ERBB4: variants seen among roughly 807,000 people sequenced by gnomAD.
ERBB4 encodes the protein erb-b2 receptor tyrosine kinase 4.
A neutral mutation model predicts 158.0 loss-of-function variants in ERBB4; 42 were observed. The observed-to-expected ratio is 0.27, with a 90% confidence interval of 0.21 to 0.34. The LOEUF (loss-of-function observed/expected upper bound fraction) is 0.34, where lower values mean the gene tolerates loss of function less well. Among genes scored for constraint, ERBB4 ranks in the 10% least tolerant of loss-of-function variants. The pLI, the probability that ERBB4 is intolerant of heterozygous loss-of-function variation, is 1.00. For missense variants in ERBB4, 1,333 were observed against 1,624.1 expected (o/e 0.82, Z 3.08); for synonymous variants, 583 against 558.7 (o/e 1.04, Z -0.61).
At chr2:212,296,122 A>G (rs1047028072) in intron 1 of ERBB4, among the ~76,000 whole-genome samples, 3 of 151,978 alleles carry the variant, frequency 2.0e-5, no homozygotes, top group African/African-American at 7.2e-5. Flanking sequence ...CGATAGGTGA[A>G]GCAGCACTAT....
rs755207762 is a variant in ERBB4, at chr2:211,665,390, T to C, written c.1804A>G (p.Ser602Gly). ...KCPDGLQGAN[S>G]FIFKYADPDR... ...GGATCAGCATACTTGAAAATGAAACTGTTTGCCCCCTGTAAGCCATCTGGA... is the reference window on the plus strand; with the variant it reads ...GGATCAGCATACTTGAAAATGAAACCGTTTGCCCCCTGTAAGCCATCTGGA... The change falls in exon 15 of 28, where the codon AGT becomes GGT. Residue 602 changes from serine (S) to glycine (G), a missense_variant. Transcript: ENST00000342788. 14 of 1,614,098 alleles carry C rather than the reference T, an allele frequency of 8.7e-6. 1 individual carries two copies. In the South Asian group the frequency reaches 1.5e-4, roughly 18 times the overall value.
intron 19 of ERBB4, among the ~76,000 whole-genome samples, chr2:211,593,862 C>T (rs894688294): frequency 2.0e-5 from 3 of 152,144 alleles, no homozygotes; most frequent in African/African-American, 7.2e-5. Flanking sequence ...CCCAAACTTA[C>T]ACCCCTTCCC....
Position 211,624,004 on chromosome 2 carries a change from T to G in ERBB4, c.2120A>C (p.Gln707Pro), listed in dbSNP as rs2069736643. The change falls in exon 18 of 28, where the codon CAA becomes CCA. Residue 707 changes from glutamine to proline, a missense_variant. Gln to Pro is a moderately conservative substitution (Grantham distance 76). Coordinates refer to ENST00000342788, the MANE Select transcript of ERBB4 (RefSeq NM_005235.3). ...TTCTTTCAAAATACGAAGTTGAGCT[T>G]GATTGGGTGCTGTGCCACTGGGAGT... ...PLTPSGTAPNQAQLRILKETE... is the reference protein window; with the variant it reads ...PLTPSGTAPNPAQLRILKETE... 6.2e-7 allele frequency: 1 copy of G among 1,614,104 alleles called. No homozygotes were observed.
chr2:211,777,951 A>G (rs2075927012), intron 4 of ERBB4: 1 of 152,208 alleles, frequency 6.6e-6, no homozygotes, highest in African/African-American at 2.4e-5. Context: ...GGGCTGCAAG[A>G]CTCTATTCTG....
At chr2:211,860,979 TATATTATATAATATA>T (rs2077998682) in intron 3 of ERBB4, among the ~76,000 whole-genome samples, 4 of 72,654 alleles carry the variant, frequency 5.5e-5, no homozygotes, top group African/African-American at 1.5e-4. Context: ...TATATTTAAA[TATATTATATAATATA>T]ATATATTATA....
At chr2:211,675,101 CTCTTTT>C (rs2072006493) in intron 13 of ERBB4, among the ~76,000 whole-genome samples, 1 of 152,128 alleles carries the variant, frequency 6.6e-6, no homozygotes, top group Non-Finnish European at 1.5e-5. Flanking sequence ...TCCATAATTT[CTCTTTT>C]TCTTTCCTGT....
intron 19 of ERBB4, among the ~76,000 whole-genome samples, chr2:211,577,956 G>C (rs1177610129): frequency 6.6e-6 from 1 of 152,074 alleles, no homozygotes; most frequent in African/African-American, 2.4e-5. Flanking sequence ...GGAAGTTCTG[G>C]CCAGGGCAAT....
chr2:211,571,475 T>C (rs1250350305), intron 19 of ERBB4, among the ~76,000 whole-genome samples: 1 of 152,196 alleles, frequency 6.6e-6, no homozygotes, highest in Admixed American at 6.5e-5. Flanking sequence ...AAAGTATCTG[T>C]GCCCTTCCAA....
rs1224754210 is a variant in ERBB4, at chr2:212,001,744, ATC to A, written c.235-54130_235-54129del. ...AAGAACTGTGAAAAGATGAAATAGC[ATC>A]TCTTTTCTTGATATGAAGGAAACAT... is the stretch of plus-strand genomic sequence containing the variant. On this transcript the variant is annotated intron_variant, in intron 2 of 27. Transcript: ENST00000342788. 3.3e-5 allele frequency among the ~76,000 whole-genome samples: 5 copies of A among 152,180 alleles called. No homozygotes were observed. The East Asian group carries it at 9.6e-4, about 29-fold the overall frequency.
At chr2:212,075,805 A>T (rs1397841624) in intron 2 of ERBB4, among the ~76,000 whole-genome samples, 1 of 151,940 alleles carries the variant, frequency 6.6e-6, no homozygotes, top group East Asian at 1.9e-4. Flanking sequence ...TTTACAGCCA[A>T]CATTACATAT....
At chr2:211,745,331 G>C (rs769114005) in intron 5 of ERBB4, among the ~76,000 whole-genome samples, 1 of 152,124 alleles carries the variant, frequency 6.6e-6, no homozygotes, top group Non-Finnish European at 1.5e-5. Flanking sequence ...TTTTTGAGTA[G>C]TTCCAAAATA....
At chr2:211,793,120 G>A (rs1353092663) in intron 3 of ERBB4, among the ~76,000 whole-genome samples, 3 of 151,786 alleles carry the variant, frequency 2.0e-5, no homozygotes, top group Non-Finnish European at 2.9e-5. Context: ...TGCACAATTT[G>A]TAACCATTTT....
At chr2:212,336,941 T>C (rs1281968762) in intron 1 of ERBB4, among the ~76,000 whole-genome samples, 4 of 152,086 alleles carry the variant, frequency 2.6e-5, no homozygotes, top group Non-Finnish European at 5.9e-5. Flanking sequence ...GCACTTCTTA[T>C]AGGTCAGTAC....
intron 1 of ERBB4, among the ~76,000 whole-genome samples, chr2:212,198,514 C>A (rs534369441): frequency 2.6e-5 from 4 of 152,102 alleles, no homozygotes; most frequent in African/African-American, 9.6e-5. Context: ...AATGGTCAAT[C>A]GTATTGTAGT....
At chr2:212,196,851 AATTCTTGG>A (rs1481848803) in intron 1 of ERBB4, among the ~76,000 whole-genome samples, 4 of 152,152 alleles carry the variant, frequency 2.6e-5, no homozygotes, top group African/African-American at 9.7e-5. Flanking sequence ...ATATACAGGA[AATTCTTGG>A]ATTGACATAC....
At chr2:212,004,984 G>A (rs1013665339) in intron 2 of ERBB4, among the ~76,000 whole-genome samples, 1 of 151,822 alleles carries the variant, frequency 6.6e-6, no homozygotes, top group Non-Finnish European at 1.5e-5. Context: ...TCCTTCATTT[G>A]CATATTGGCT....
chr2:211,703,050 C>A (rs1475232706), intron 11 of ERBB4, among the ~76,000 whole-genome samples: 1 of 151,988 alleles, frequency 6.6e-6, no homozygotes, highest in African/African-American at 2.4e-5. Flanking sequence ...TCAAAGCTTT[C>A]CACTTTTATT....
chr2:212,025,235 T>C (rs765771594), intron 2 of ERBB4, among the ~76,000 whole-genome samples: 11 of 151,774 alleles, frequency 7.2e-5, no homozygotes, highest in Non-Finnish European at 1.3e-4. Context: ...TAATCATCTA[T>C]TTCTAATACC....
At chr2:212,119,481 T>A (rs79877234) in intron 2 of ERBB4, among the ~76,000 whole-genome samples, 6,275 of 152,120 alleles carry the variant, frequency 0.041, 194 homozygotes, top group Middle Eastern at 0.11. Context: ...GGGTAAAAGG[T>A]CTAATAGTTC....
Sources: gnomAD v4.1 joint callset for allele counts (sites outside exome capture counted in the v4.1 genomes callset) on GRCh38, gnomAD v4.1.1 for gene constraint, MANE v1.5 for transcripts, NCBI Gene and HGNC (gene_info 2026-07-23, HGNC 2026-07-21) for gene names.